LPCAT2: variants seen among roughly 807,000 people sequenced by gnomAD.
The protein encoded by LPCAT2 is 1-AGP acyltransferase 11.
A neutral mutation model predicts 64.7 loss-of-function variants in LPCAT2; 58 were observed. That is an observed-to-expected ratio of 0.90 (90% CI 0.73 to 1.12). The LOEUF is 1.12. LPCAT2 is among the 50% of genes most tolerant of loss of function. The pLI, the probability that LPCAT2 is intolerant of heterozygous loss-of-function variation, is 0.00. For missense variants in LPCAT2, 579 were observed against 669.8 expected (o/e 0.86, Z 1.50); for synonymous variants, 252 against 245.3 (o/e 1.03, Z -0.26).
At chr16:55,544,915 G>A (rs1963436780) in intron 8 of LPCAT2, among the ~76,000 whole-genome samples, 1 of 152,000 alleles carries the variant, frequency 6.6e-6, no homozygotes, top group African/African-American at 2.4e-5. Context: ...TATAATTGGG[G>A]GTAATAAGGG....
At chr16:55,516,974 A>G (rs1963021492) in intron 1 of LPCAT2, among the ~76,000 whole-genome samples, 1 of 152,224 alleles carries the variant, frequency 6.6e-6, no homozygotes, top group African/African-American at 2.4e-5. Flanking sequence ...AATCAATAAC[A>G]GAAAAAATTT....
chr16:55,533,016 C>A (rs1485590181), intron 6 of LPCAT2, 134 bp downstream of exon 6: 1 of 610,406 alleles, frequency 1.6e-6, no homozygotes, highest in Non-Finnish European at 2.8e-6. Context: ...TCATTCTGCT[C>A]GCCACATCTA....
intron 12 of LPCAT2, among the ~76,000 whole-genome samples, chr16:55,578,304 A>G (rs1187693546): frequency 6.6e-6 from 1 of 151,892 alleles, no homozygotes; most frequent in Non-Finnish European, 1.5e-5. Flanking sequence ...TCTCTTCTTT[A>G]CTCCTGGCAC....
At chr16:55,578,526 T>C (rs979316340) in intron 12 of LPCAT2, among the ~76,000 whole-genome samples, 11 of 152,248 alleles carry the variant, frequency 7.2e-5, no homozygotes, top group Non-Finnish European at 1.2e-4. Flanking sequence ...TTCCTATCCT[T>C]CCTGCTTCTC....
At chr16:55,541,402 ATTAC>A (rs1401635932) in intron 8 of LPCAT2, 3 of 152,272 alleles carry the variant, frequency 2.0e-5, no homozygotes, top group Non-Finnish European at 2.9e-5. Context: ...TAGAGAGCTA[ATTAC>A]TTAGGGAAGA....
chr16:55,571,496 A>G (rs564500552), intron 11 of LPCAT2, among the ~76,000 whole-genome samples: 3 of 152,212 alleles, frequency 2.0e-5, no homozygotes, highest in African/African-American at 4.8e-5. Context: ...TACTTACCCA[A>G]TGTAACTCCT....
chr16:55,567,760 G>A (rs1312976557), intron 11 of LPCAT2: 3 of 392,058 alleles, frequency 7.7e-6, no homozygotes, highest in Non-Finnish European at 1.4e-5. Flanking sequence ...TGGTGGGGAG[G>A]TTGTGGGGTA....
intron 1 of LPCAT2, among the ~76,000 whole-genome samples, chr16:55,512,286 C>T (rs756411215): frequency 1.8e-4 from 27 of 152,216 alleles, no homozygotes; most frequent in Middle Eastern, 6.8e-3. Flanking sequence ...TGGAGTAGCT[C>T]AATGTAGACA....
intron 11 of LPCAT2, among the ~76,000 whole-genome samples, chr16:55,573,856 T>C (rs1963797791): frequency 6.6e-6 from 1 of 152,070 alleles, no homozygotes; most frequent in Non-Finnish European, 1.5e-5. Flanking sequence ...TCTTTCTTCC[T>C]TTTCTCCTAA....
chr16:55,560,389 C>T (rs563162755), intron 11 of LPCAT2, among the ~76,000 whole-genome samples: 191 of 152,032 alleles, frequency 1.3e-3, no homozygotes, highest in Non-Finnish European at 2.2e-3. Context: ...TTATTCTAGA[C>T]GAGGTTCAGT....
intron 2 of LPCAT2, among the ~76,000 whole-genome samples, chr16:55,528,063 C>G (rs1963197499): frequency 6.6e-6 from 1 of 152,210 alleles, no homozygotes; most frequent in Admixed American, 6.5e-5. Context: ...CTTAGCCACA[C>G]ATACCCTTGG....
rs562254402 is a variant in LPCAT2 at position 55,541,815 on chromosome 16, C to G, written c.853-3920C>G. The G allele has an allele frequency of 3.2e-5, 40 of 1,268,462 alleles. No individual in the cohort carries two copies. In the South Asian group the frequency reaches 4.7e-4, roughly 15 times the overall value. 78.6% of individuals were successfully genotyped at this position (1,268,462 alleles called of 1,614,324 possible). ...ATAGTAAGTGTTCAATAAGCACTAA[C>G]TTTTACTTTCTGTCTCATCTAGATG... On this transcript the variant is annotated intron_variant, in intron 8 of 13. Transcript: ENST00000262134.
chr16:55,577,272 C>T (rs1454638595), intron 12 of LPCAT2, among the ~76,000 whole-genome samples: 1 of 152,044 alleles, frequency 6.6e-6, no homozygotes, highest in East Asian at 1.9e-4. Context: ...CTTTAGGGAC[C>T]ATTAAAACAT....
At chr16:55,523,342 C>G (rs1281603591) in intron 1 of LPCAT2, among the ~76,000 whole-genome samples, 2 of 151,726 alleles carry the variant, frequency 1.3e-5, no homozygotes, top group Non-Finnish European at 3.0e-5. Flanking sequence ...CAGGAACTCT[C>G]ATACCTTGCT....
At chr16:55,580,879 A>G (rs1398014738) in intron 13 of LPCAT2, among the ~76,000 whole-genome samples, 1 of 152,078 alleles carries the variant, frequency 6.6e-6, no homozygotes, top group African/African-American at 2.4e-5. Context: ...TCTAGGTTGC[A>G]CGTTCCTTAT....
intron 1 of LPCAT2, among the ~76,000 whole-genome samples, chr16:55,518,314 G>A (rs1229725169): frequency 6.6e-6 from 1 of 152,102 alleles, no homozygotes; most frequent in East Asian, 1.9e-4. Flanking sequence ...TCATAAATTT[G>A]GAAAACTTAA....
At chr16:55,515,485 C>A (rs8053806) in intron 1 of LPCAT2, among the ~76,000 whole-genome samples, 60,518 of 151,790 alleles carry the variant, frequency 0.4, 13,022 homozygotes, top group Non-Finnish European at 0.49. Context: ...GTCTCTCAGG[C>A]TGAAATGAAA....
At chr16:55,567,193 A>G (rs376602006) in intron 11 of LPCAT2, 66 of 1,613,892 alleles carry the variant, frequency 4.1e-5, no homozygotes, top group African/African-American at 5.3e-5. Context: ...GAATTTAAGT[A>G]TCTGTGGAAC....
intron 12 of LPCAT2, among the ~76,000 whole-genome samples, chr16:55,576,280 T>C (rs1455715327): frequency 1.3e-5 from 2 of 152,216 alleles, no homozygotes; most frequent in Admixed American, 1.3e-4. Context: ...GAAGTATTTT[T>C]GCATACTTTT....
Sources: gnomAD v4.1 joint callset for allele counts (sites outside exome capture counted in the v4.1 genomes callset) on GRCh38, gnomAD v4.1.1 for gene constraint, MANE v1.5 for transcripts, NCBI Gene and HGNC (gene_info 2026-07-23, HGNC 2026-07-21) for gene names.